Variants in LMBR1 observed in about 807,000 individuals in gnomAD.
The protein encoded by LMBR1 is limb development membrane protein 1.
Under a neutral mutation model 73.9 loss-of-function variants are expected in LMBR1, and 52 were observed. The ratio of observed to expected loss-of-function variants is 0.70; its 90% CI spans 0.56 to 0.89. The LOEUF is 0.89. Ranked by LOEUF, LMBR1 falls within the 40% of genes least tolerant of loss-of-function variation. The probability of loss-of-function intolerance (pLI) is 0.00; values close to 1 mark genes in which losing one functional copy is unlikely to be tolerated. For synonymous variants in LMBR1, 215 were observed against 209.4 expected, an observed-to-expected ratio of 1.03 and a Z score of -0.23; for missense variants, 539 against 579.8, an observed-to-expected ratio of 0.93 and a Z score of 0.72.
chr7:156,868,526 TAGTC>T (rs1798799583), intron 1 of LMBR1, among the ~76,000 whole-genome samples: 1 of 151,350 alleles, frequency 6.6e-6, no homozygotes, highest in African/African-American at 2.4e-5. Flanking sequence ...ATACGAAAAT[TAGTC>T]AGGTGTGATG....
chr7:156,868,878 TC>T (rs1798862530), intron 1 of LMBR1, among the ~76,000 whole-genome samples: 1 of 152,012 alleles, frequency 6.6e-6, no homozygotes, highest in South Asian at 2.1e-4. Flanking sequence ...GGTGGGAAGA[TC>T]ACCTGAGCCC....
chr7:156,728,592 A>C (rs201059267), intron 11 of LMBR1, 52 bp downstream of exon 11: 561 of 1,314,660 alleles, frequency 4.3e-4, no homozygotes, highest in Non-Finnish European at 5.1e-4. Flanking sequence ...TCAAATGCTG[A>C]AGTAAATAAA....
At chr7:156,692,107 C>T (rs1056761575) in intron 15 of LMBR1, among the ~76,000 whole-genome samples, 2 of 152,032 alleles carry the variant, frequency 1.3e-5, no homozygotes, top group African/African-American at 2.4e-5. Flanking sequence ...TGGAGTTTTG[C>T]ACTTGTCGCC....
At chr7:156,715,455 TTTAG>T (rs1813009397) in intron 15 of LMBR1, among the ~76,000 whole-genome samples, 2 of 152,320 alleles carry the variant, frequency 1.3e-5, no homozygotes, top group African/African-American at 4.8e-5. Context: ...TATGTACCCA[TTTAG>T]TTACTCTTTT....
At chr7:156,874,655 C>G (rs936598295) in intron 1 of LMBR1, among the ~76,000 whole-genome samples, 1 of 152,214 alleles carries the variant, frequency 6.6e-6, no homozygotes, top group African/African-American at 2.4e-5. Flanking sequence ...ACCAGCCCTG[C>G]CTGGTAGACC....
chr7:156,752,488 T>C (rs1244760051), intron 9 of LMBR1, among the ~76,000 whole-genome samples: 1 of 152,048 alleles, frequency 6.6e-6, no homozygotes, highest in South Asian at 2.1e-4. Context: ...TGAGAAGAGA[T>C]GGAATCCAGG....
intron 4 of LMBR1, among the ~76,000 whole-genome samples, chr7:156,812,954 T>C (rs1833349041): frequency 6.6e-6 from 1 of 152,182 alleles, no homozygotes; most frequent in Admixed American, 6.5e-5. Context: ...TGCCCCCATC[T>C]CTGGGGATTA....
chr7:156,709,425 C>T (rs1354681557), intron 15 of LMBR1, among the ~76,000 whole-genome samples: 3 of 152,228 alleles, frequency 2.0e-5, no homozygotes, highest in African/African-American at 4.8e-5. Flanking sequence ...ACTAAACATA[C>T]CTACAACCAG....
At chr7:156,809,778 C>T (rs1832772856) in intron 4 of LMBR1, among the ~76,000 whole-genome samples, 1 of 152,152 alleles carries the variant, frequency 6.6e-6, no homozygotes, top group Non-Finnish European at 1.5e-5. Context: ...CTGAACTTAA[C>T]GTGTCTCTTT....
intron 1 of LMBR1, among the ~76,000 whole-genome samples, chr7:156,877,666 G>A (rs947193457): frequency 1.3e-5 from 2 of 152,088 alleles, no homozygotes; most frequent in East Asian, 1.9e-4. Context: ...GGCGGATCAC[G>A]AGGTCAGGAG....
At chr7:156,767,051 A>G (rs1824220753) in intron 5 of LMBR1, among the ~76,000 whole-genome samples, 1 of 152,198 alleles carries the variant, frequency 6.6e-6, no homozygotes, top group Non-Finnish European at 1.5e-5. Context: ...GGTGTGGGCC[A>G]GTCGCTTTTG....
At chr7:156,835,820 C>T (rs1056797117) in intron 2 of LMBR1, among the ~76,000 whole-genome samples, 1 of 152,124 alleles carries the variant, frequency 6.6e-6, no homozygotes, top group South Asian at 2.1e-4. Context: ...ACCACTCCTG[C>T]GTTACTCTAA....
chr7:156,840,168 A>T (rs75075901), intron 1 of LMBR1, among the ~76,000 whole-genome samples: 4,849 of 152,328 alleles, frequency 0.032, 126 homozygotes, highest in South Asian at 0.085. Context: ...GCTATATACC[A>T]GGCACTCTTC....
intron 15 of LMBR1, among the ~76,000 whole-genome samples, chr7:156,692,509 T>C (rs1261724438): frequency 6.6e-6 from 1 of 152,216 alleles, no homozygotes; most frequent in Non-Finnish European, 1.5e-5. Flanking sequence ...CTCAACTTTA[T>C]AAACTGAAAT....
intron 5 of LMBR1, chr7:156,779,721 C>T (rs1045119362): frequency 2.3e-6 from 3 of 1,284,948 alleles, no homozygotes; most frequent in Non-Finnish European, 3.0e-6. Flanking sequence ...TTTGCCTGGA[C>T]ATCTTGCCCT....
intron 15 of LMBR1, among the ~76,000 whole-genome samples, chr7:156,703,425 G>A (rs140925910): frequency 5.3e-4 from 80 of 152,222 alleles, no homozygotes; most frequent in African/African-American, 1.9e-3. Flanking sequence ...ATGGGGGCTG[G>A]GTGGCATCTC....
At chr7:156,849,401 C>T (rs1357588611) in intron 1 of LMBR1, among the ~76,000 whole-genome samples, 1 of 152,140 alleles carries the variant, frequency 6.6e-6, no homozygotes, top group African/African-American at 2.4e-5. Flanking sequence ...TCAGGTACTA[C>T]GTTTCTTATC....
chr7:156,887,559 A>G (rs547322990), intron 1 of LMBR1, among the ~76,000 whole-genome samples: 172 of 152,114 alleles, frequency 1.1e-3, no homozygotes, highest in Non-Finnish European at 1.9e-3. Context: ...AAACTATACA[A>G]CTCTTAGAGG....
At chr7:156,890,863 T>C (rs968058459) in intron 1 of LMBR1, among the ~76,000 whole-genome samples, 2 of 151,994 alleles carry the variant, frequency 1.3e-5, no homozygotes, top group South Asian at 4.1e-4. Context: ...CCAACAGAAA[T>C]GCACAAACAT....
Sources: allele counts gnomAD v4.1 joint callset (sites outside exome capture counted in the v4.1 genomes callset), GRCh38; gene constraint gnomAD v4.1.1; transcripts MANE v1.5; gene names NCBI Gene and HGNC (gene_info 2026-07-23, HGNC 2026-07-21).